ZNHIT1: variants seen among roughly 807,000 people sequenced by gnomAD.
ZNHIT1 encodes zinc finger HIT domain-containing protein 1.
ZNHIT1 carries 20 observed loss-of-function variants against 21.4 expected under a neutral mutation model. The observed-to-expected ratio is 0.93, with a 90% CI of 0.66 to 1.36. The LOEUF (loss-of-function observed/expected upper bound fraction) is 1.36. Ranked by LOEUF, ZNHIT1 falls within the 40% of genes most tolerant of loss-of-function variation. ZNHIT1 has a pLI of 0.00. For synonymous variants in ZNHIT1, 79 were observed against 84.0 expected, an observed-to-expected ratio of 0.94 and a Z score of 0.32; for missense variants, 170 against 213.5, an observed-to-expected ratio of 0.80 and a Z score of 1.27.
Position 101,218,215 on chromosome 7 carries a change from C to T in ZNHIT1, c.20C>T (p.Ser7Leu). Residue 7 changes from serine (S) to leucine (L), a missense_variant and splice_region_variant, in exon 1 of 5, where the codon TCG (serine) becomes TTG (leucine). By Grantham distance (145) the Ser-to-Leu change is moderately radical. Transcript: ENST00000305105. The stretch of plus-strand genomic sequence containing the variant: ...GTGCCAATGGTGGAGAAGAAAACTT[C>T]GGGTATGTGAGCCCCCGCGGTTCGC... Reference protein sequence around the residue: MVEKKTSVRSQDPGQRR... With the variant: MVEKKTLVRSQDPGQRR... 2 of 1,612,836 alleles carry T rather than the reference C, an allele frequency of 1.2e-6. No individual in the cohort carries two copies. The highest frequency in any genetic ancestry group is 1.7e-6 in the Non-Finnish European group (2 of 1,179,232).
intron 1 of ZNHIT1, chr7:101,220,137 T>G (rs1333648626): frequency 7.7e-6 from 1 of 129,668 alleles, no homozygotes; most frequent in Non-Finnish European, 1.6e-5. Flanking sequence ...TTTTTTTTTT[T>G]GAAACAGGGT....
intron 1 of ZNHIT1, chr7:101,219,712 C>T (rs1798341456): frequency 2.6e-5 from 4 of 152,264 alleles, no homozygotes; most frequent in Admixed American, 2.6e-4. Context: ...AGGCATGAGC[C>T]ACTGCGCTTG....
In ZNHIT1 at chr7:101,218,347, C is replaced by G. The variant is rs910407916; in HGVS notation, c.22+130C>G. On this transcript the variant is annotated intron_variant, in intron 1 of 4. Transcript: ENST00000305105. ...GGAGTGCAGTGGCATAGTCATAGCT[C>G]ACTGCAGCCTCGATTTCCTGGGATC... 5.0e-6 allele frequency: 5 copies of G among 1,001,384 alleles called. No individual in the cohort carries two copies. The African/African-American group carries it at 6.5e-5, about 13-fold the overall frequency. 62.0% of individuals were successfully genotyped at this position (1,001,384 alleles called of 1,614,324 possible).
At chr7:101,218,302 C>T in intron 1 of ZNHIT1, 85 bp downstream of exon 1, 2 of 1,489,314 alleles carry the variant, frequency 1.3e-6, no homozygotes, top group Non-Finnish European at 1.8e-6. Flanking sequence ...CTTTTTTGGT[C>T]TCGCTCTTTC....
In ZNHIT1 at chr7:101,218,223, T is replaced by G. The variant is rs777115420; in HGVS notation, c.22+6T>G. Reference sequence around the variant, plus strand: ...GGTGGAGAAGAAAACTTCGGGTATGTGAGCCCCCGCGGTTCGCCCCCTTCC... The same window carrying G: ...GGTGGAGAAGAAAACTTCGGGTATGGGAGCCCCCGCGGTTCGCCCCCTTCC... On this transcript the variant is annotated splice_donor_region_variant and intron_variant, in intron 1 of 4. Transcript: ENST00000305105. 6 of 1,612,682 alleles carry G rather than the reference T, an allele frequency of 3.7e-6. No individual in the cohort carries two copies. In the South Asian group the frequency reaches 6.6e-5, roughly 18 times the overall value.
Position 101,223,774 on chromosome 7 carries a change from C to T in ZNHIT1, c.375C>T (p.Pro125=). Reference sequence around the variant, plus strand: ...GTGCTGTCTGTGGCTTCCCATCCCCCTACACCTGTGTCAGCTGCGGTGCCC... The same window carrying T: ...GTGCTGTCTGTGGCTTCCCATCCCCTTACACCTGTGTCAGCTGCGGTGCCC... ...PFCAVCGFPS[P]YTCVSCGARY... is the part of the protein sequence containing the mutation. Residue 125 remains proline (P), a synonymous_variant, in exon 4 of 5, where the codon CCC becomes CCT. Coordinates refer to ENST00000305105, the MANE Select transcript of ZNHIT1 (RefSeq NM_006349.3). The T allele has an allele frequency of 1.9e-6, 3 of 1,614,184 alleles. No individual in the cohort carries two copies. Among genetic ancestry groups the T allele is most frequent in the Non-Finnish European group, 1.7e-6 (2 of 1,180,028 alleles).
intron 2 of ZNHIT1, among the ~76,000 whole-genome samples, chr7:101,222,977 C>G (rs1055140951): frequency 1.3e-5 from 2 of 152,220 alleles, no homozygotes; most frequent in Non-Finnish European, 2.9e-5. Context: ...TGGATAAGCT[C>G]TGACACGAAG....
intron 1 of ZNHIT1, chr7:101,220,686 A>G (rs764391921): frequency 6.6e-6 from 1 of 152,222 alleles, no homozygotes; most frequent in Non-Finnish European, 1.5e-5. Context: ...TTAATGAATA[A>G]AGAGATATAT....
At position 101,222,589 on chromosome 7, in the gene ZNHIT1, C is replaced by T; in HGVS notation, c.23-15C>T. 1 of 1,608,162 alleles carries T rather than the reference C, an allele frequency of 6.2e-7. No homozygotes were observed. Among genetic ancestry groups the T allele is most frequent in the South Asian group, 1.1e-5 (1 of 90,656 alleles). On this transcript the variant is annotated splice_polypyrimidine_tract_variant and intron_variant, in intron 1 of 4. Transcript: ENST00000305105. ...CTTGGAAGCCCTGTAACTTTGCGTG[C>T]CCTGCTCCATCCAGTTCGCTCCCAG...
intron 2 of ZNHIT1, among the ~76,000 whole-genome samples, chr7:101,223,005 T>C (rs1315108000): frequency 6.6e-6 from 1 of 152,058 alleles, no homozygotes; most frequent in African/African-American, 2.4e-5. Context: ...CTTGGGGGCA[T>C]GGAGGTGACT....
chr7:101,223,327 AG>A, intron 2 of ZNHIT1, 149 bp from the exon 3 acceptor site: 1 of 852,350 alleles, frequency 1.2e-6, no homozygotes, highest in Non-Finnish European at 1.9e-6. Context: ...CAGTGAGTCA[AG>A]ATCGCACCAC....
chr7:101,221,247 C>CTTGCTT, intron 1 of ZNHIT1: 1 of 133,232 alleles, frequency 7.5e-6, no homozygotes, highest in African/African-American at 2.9e-5. Flanking sequence ...TGGAGACAGT[C>CTTGCTT]TTGCTTTGTC....
chr7:101,222,913 C>A, intron 2 of ZNHIT1, 139 bp downstream of exon 2: 1 of 1,106,526 alleles, frequency 9.0e-7, no homozygotes, highest in Non-Finnish European at 1.3e-6. Flanking sequence ...AGCAACCACA[C>A]CCCCTTTCTG....
At position 101,223,370 on chromosome 7, in the gene ZNHIT1, G is replaced by A. The variant is rs540230847; in HGVS notation, c.194-107G>A. The A allele has an allele frequency of 9.8e-6, 12 of 1,229,244 alleles. No individual in the cohort carries two copies. The South Asian group carries it at 1.4e-4, about 15-fold the overall frequency. The allele number at this position is 1,229,244 out of a possible 1,614,324, so 76.1% of individuals were successfully genotyped here. ...CCAGCCTGGGTGACAGAGTGAGACT[G>A]TCTCAAAAAGAACCAGGAGGGCACA... On this transcript the variant is annotated intron_variant, in intron 2 of 4. Coordinates refer to ENST00000305105, the MANE Select transcript of ZNHIT1 (RefSeq NM_006349.3).
At chr7:101,218,323 G>C in intron 1 of ZNHIT1, 106 bp downstream of exon 1, 1 of 1,273,104 alleles carries the variant, frequency 7.9e-7, no homozygotes, top group Non-Finnish European at 1.1e-6. Flanking sequence ...GCCTAGGCTG[G>C]AGTGCAGTGG....
In ZNHIT1 at chr7:101,224,154, C is replaced by T. The variant is rs1798417030; in HGVS notation, c.*196C>T. ...AACTGTCTGGCAGGTAGGCTGGGCC[C>T]CCCAGTGCTGTTAGAATAAAAAGCC... On this transcript the variant is annotated 3_prime_UTR_variant, in exon 5 of 5. Coordinates refer to ENST00000305105, the MANE Select transcript of ZNHIT1 (RefSeq NM_006349.3). 1.3e-6 allele frequency: 1 copy of T among 779,442 alleles called. No individual in the cohort carries two copies. Among genetic ancestry groups the T allele is most frequent in the African/African-American group, 1.7e-5 (1 of 57,348 alleles). 48.3% of individuals were successfully genotyped at this position (779,442 alleles called of 1,614,324 possible). A position where few individuals can be genotyped will look rare whatever the true frequency, so the allele number is the denominator to read the frequency against.
Position 101,222,717 on chromosome 7 carries a change from G to A in ZNHIT1, c.136G>A (p.Ala46Thr), listed in dbSNP as rs778494617. The A allele has an allele frequency of 4.3e-5, 70 of 1,614,076 alleles. No homozygotes were observed. The highest frequency in any genetic ancestry group is 5.6e-5 in the Non-Finnish European group (66 of 1,180,034). ...ENDNFQDDPHAGLPQLGKRLP... is the reference protein window; with the variant it reads ...ENDNFQDDPHTGLPQLGKRLP... The stretch of plus-strand genomic sequence containing the variant: ...TGACAACTTCCAGGATGACCCCCAC[G>A]CGGGACTCCCTCAGCTCGGCAAGAG... Residue 46 changes from alanine (A) to threonine (T), a missense_variant, in exon 2 of 5, where the codon GCG (alanine) becomes ACG (threonine). By Grantham distance (58) the Ala-to-Thr change is moderately conservative. Transcript: ENST00000305105.
intron 1 of ZNHIT1, chr7:101,219,119 T>G (rs1007310136): frequency 6.6e-6 from 1 of 152,206 alleles, no homozygotes; most frequent in African/African-American, 2.4e-5. Context: ...AGACTTTTTT[T>G]TTTTAGACAG....
rs139515115 is a variant in ZNHIT1, at chr7:101,223,638, G to A, written c.274-35G>A. The A allele has an allele frequency of 1.1e-3, 1,761 of 1,612,788 alleles. 2 individuals carry two copies. The highest frequency in any genetic ancestry group is 1.4e-3 in the Non-Finnish European group (1,614 of 1,179,330). Reference sequence around the variant, plus strand: ...GCAGGTGTTCGCTGCGTGGGTGGGCGGAGGAGTTCTAGAGCCGGCCCCTTG... The same window carrying A: ...GCAGGTGTTCGCTGCGTGGGTGGGCAGAGGAGTTCTAGAGCCGGCCCCTTG... On this transcript the variant is annotated intron_variant, in intron 3 of 4. Coordinates refer to ENST00000305105, the MANE Select transcript of ZNHIT1 (RefSeq NM_006349.3).
Sources: gnomAD v4.1 joint callset for allele counts (sites outside exome capture counted in the v4.1 genomes callset) on GRCh38, gnomAD v4.1.1 for gene constraint, MANE v1.5 for transcripts, NCBI Gene and HGNC (gene_info 2026-07-23, HGNC 2026-07-21) for gene names.